SEC24B: variants seen among roughly 807,000 people sequenced by gnomAD.
SEC24B encodes the protein SEC24 homolog B, COPII component.
A neutral mutation model predicts 142.8 loss-of-function variants in SEC24B; 45 were observed. The observed-to-expected ratio is 0.32, with a 90% CI of 0.25 to 0.40. SEC24B has a LOEUF of 0.40. Among genes scored for constraint, SEC24B ranks in the 10% least tolerant of loss-of-function variants. The probability of loss-of-function intolerance (pLI) is 1.00; values close to 1 mark genes in which losing one functional copy is unlikely to be tolerated. For synonymous variants in SEC24B, 574 were observed against 568.2 expected (o/e 1.01, Z -0.15); for missense variants, 1,409 against 1,526.8 (o/e 0.92, Z 1.29).
In SEC24B at chr4:109,512,074, G is replaced by A. The variant is rs765040358; in HGVS notation, c.1894G>A (p.Val632Ile). ...ATGGAAATGCAATTTGTGCTATAGA[G>A]TAAACGATGGTGAGTTTTAGATTCT... Reference protein sequence around the residue: ...RRWKCNLCYRVNDVPEEFMYN... With the variant: ...RRWKCNLCYRINDVPEEFMYN... The change falls in exon 9 of 24, where the codon GTA becomes ATA. Residue 632 changes from valine (V) to isoleucine (I), a missense_variant. Physicochemically the swap from Val to Ile is conservative, Grantham distance 29 (BLOSUM62 3). Transcript: ENST00000265175. 1 of 1,605,428 alleles carries A rather than the reference G, an allele frequency of 6.2e-7. No homozygotes were observed. The highest frequency in any genetic ancestry group is 8.5e-7 in the Non-Finnish European group (1 of 1,177,546).
At chr4:109,476,166 T>A (rs1733113941) in intron 3 of SEC24B, among the ~76,000 whole-genome samples, 1 of 152,078 alleles carries the variant, frequency 6.6e-6, no homozygotes, top group Admixed American at 6.5e-5. Flanking sequence ...TTTGTATTTT[T>A]AGTAGAGACG....
At chr4:109,504,227 A>G (rs775137369) in intron 6 of SEC24B, among the ~76,000 whole-genome samples, 5 of 152,216 alleles carry the variant, frequency 3.3e-5, no homozygotes, top group Non-Finnish European at 5.9e-5. Flanking sequence ...CAATACTACT[A>G]TCATAGCCAA....
At chr4:109,497,019 G>A (rs957624881) in intron 6 of SEC24B, among the ~76,000 whole-genome samples, 3 of 152,202 alleles carry the variant, frequency 2.0e-5, no homozygotes, top group Non-Finnish European at 2.9e-5. Flanking sequence ...AATAACTTAG[G>A]ACAATAGTCT....
intron 17 of SEC24B, 104 bp from the exon 18 acceptor site, chr4:109,527,218 C>CAA (rs71594190): frequency 8.0e-4 from 521 of 648,070 alleles, no homozygotes; most frequent in Non-Finnish European, 9.5e-4. Flanking sequence ...GACTCCGTCT[C>CAA]AAAAAAAAAA....
At chr4:109,450,508 A>G (rs867031603) in intron 1 of SEC24B, among the ~76,000 whole-genome samples, 9 of 151,732 alleles carry the variant, frequency 5.9e-5, no homozygotes, top group African/African-American at 2.2e-4. Context: ...AAATACAAAA[A>G]TTAGCTGGAC....
At chr4:109,442,453 T>C (rs1214614533) in intron 1 of SEC24B, among the ~76,000 whole-genome samples, 1 of 152,210 alleles carries the variant, frequency 6.6e-6, no homozygotes, top group Admixed American at 6.5e-5. Context: ...TTCTTTGTAA[T>C]TGAGTGATGA....
chr4:109,476,771 G>A (rs1733195543), intron 3 of SEC24B, among the ~76,000 whole-genome samples: 1 of 152,156 alleles, frequency 6.6e-6, no homozygotes, highest in Non-Finnish European at 1.5e-5. Flanking sequence ...CATGGAACAA[G>A]CATATCATAT....
chr4:109,467,153 C>G (rs1351060418), intron 2 of SEC24B, among the ~76,000 whole-genome samples: 1 of 151,268 alleles, frequency 6.6e-6, no homozygotes. Flanking sequence ...GGTGAAACCC[C>G]GTCTCTACTA....
At chr4:109,473,982 C>A (rs960256586) in intron 3 of SEC24B, among the ~76,000 whole-genome samples, 1 of 152,112 alleles carries the variant, frequency 6.6e-6, no homozygotes, top group South Asian at 2.1e-4. Flanking sequence ...GTGTGAAGAA[C>A]CTTCTTATAG....
chr4:109,465,233 A>T (rs1731734121), intron 2 of SEC24B, among the ~76,000 whole-genome samples: 1 of 152,210 alleles, frequency 6.6e-6, no homozygotes, highest in South Asian at 2.1e-4. Context: ...AGTCAACTCA[A>T]AGTGTCTGTC....
At chr4:109,445,303 G>A (rs556746753) in intron 1 of SEC24B, among the ~76,000 whole-genome samples, 1 of 145,682 alleles carries the variant, frequency 6.9e-6, no homozygotes, top group South Asian at 2.2e-4. Flanking sequence ...GAGTGCAGTG[G>A]TGCAATCTCG....
chr4:109,530,719 T>C (rs1324508154), intron 19 of SEC24B, among the ~76,000 whole-genome samples: 1 of 151,166 alleles, frequency 6.6e-6, no homozygotes, highest in Non-Finnish European at 1.5e-5. Context: ...CTGGCCAACA[T>C]AGTGAAACCC....
intron 4 of SEC24B, among the ~76,000 whole-genome samples, chr4:109,483,354 C>T (rs967703445): frequency 6.6e-6 from 1 of 151,988 alleles, no homozygotes; most frequent in African/African-American, 2.4e-5. Context: ...GCTGGGATTA[C>T]AGGTGTGAGC....
rs1417335947 is a variant in SEC24B at position 109,540,172 on chromosome 4, AAT to A, written c.*499_*500del. ...AATTCAACATTTTCTCTGTAAAAAC[AAT>A]AGAGTTTCAGTACATGAACTATAGA... On this transcript the variant is annotated 3_prime_UTR_variant, in exon 24 of 24. Coordinates refer to ENST00000265175, the MANE Select transcript of SEC24B (RefSeq NM_006323.5). The A allele has an allele frequency of 6.5e-6, 1 of 152,780 alleles. No individual in the cohort carries two copies. The highest frequency in any genetic ancestry group is 2.4e-5 in the African/African-American group (1 of 41,476). The allele number at this position is 152,780 out of a possible 1,614,324, so 9.5% of individuals were successfully genotyped here. A position where few individuals can be genotyped will look rare whatever the true frequency, so the allele number is the denominator to read the frequency against.
intron 1 of SEC24B, among the ~76,000 whole-genome samples, chr4:109,440,012 C>T (rs1434261564): frequency 2.7e-5 from 4 of 150,742 alleles, no homozygotes; most frequent in East Asian, 2.0e-4. Flanking sequence ...CCCAGCTACT[C>T]GGGAGGCTGA....
chr4:109,502,355 T>A (rs1418399476), intron 6 of SEC24B, among the ~76,000 whole-genome samples: 2 of 152,148 alleles, frequency 1.3e-5, no homozygotes, highest in Admixed American at 1.3e-4. Flanking sequence ...ATTTAGAAAA[T>A]CATTTGGCTG....
chr4:109,473,911 A>G (rs1578836194), intron 3 of SEC24B, among the ~76,000 whole-genome samples: 1 of 152,220 alleles, frequency 6.6e-6, no homozygotes, highest in East Asian at 1.9e-4. Flanking sequence ...GTATTTCCAG[A>G]GCAACCATTG....
chr4:109,447,418 G>A (rs1229307249), intron 1 of SEC24B, among the ~76,000 whole-genome samples: 1 of 152,176 alleles, frequency 6.6e-6, no homozygotes, highest in Non-Finnish European at 1.5e-5. Context: ...AAGTAAAACT[G>A]TCTTCTGCCC....
chr4:109,525,276 C>T, intron 15 of SEC24B, 70 bp from the exon 16 acceptor site: 1 of 1,266,684 alleles, frequency 7.9e-7, no homozygotes, highest in Non-Finnish European at 1.1e-6. Context: ...AATGTAGAAT[C>T]TGTACTACTG....
Sources: gnomAD v4.1 joint callset for allele counts (sites outside exome capture counted in the v4.1 genomes callset) on GRCh38, gnomAD v4.1.1 for gene constraint, MANE v1.5 for transcripts, NCBI Gene and HGNC (gene_info 2026-07-23, HGNC 2026-07-21) for gene names.